MLLT10: variants seen among roughly 807,000 people sequenced by gnomAD.
MLLT10 encodes protein AF-10.
A neutral mutation model predicts 129.1 loss-of-function variants in MLLT10; 30 were observed. The observed-to-expected ratio is 0.23, with a 90% confidence interval of 0.17 to 0.32. The LOEUF (loss-of-function observed/expected upper bound fraction) is 0.32, where lower values mean the gene tolerates loss of function less well. Ranked by LOEUF, MLLT10 falls within the 10% of genes least tolerant of loss-of-function variation. The pLI is 1.00. For synonymous variants in MLLT10, 490 were observed against 446.4 expected (o/e 1.10, Z -1.23); for missense variants, 1,119 against 1,268.3 (o/e 0.88, Z 1.79).
At chr10:21,696,727 T>A (rs1589692519) in intron 13 of MLLT10, among the ~76,000 whole-genome samples, 1 of 152,146 alleles carries the variant, frequency 6.6e-6, no homozygotes, top group Non-Finnish European at 1.5e-5. Flanking sequence ...GTATTGAAAT[T>A]CCTCGAGCCG....
Position 21,680,634 on chromosome 10 carries a change from G to A in MLLT10, c.1622-698G>A, listed in dbSNP as rs113337153. Among the ~76,000 whole-genome samples the A allele has an allele frequency of 1.8e-3, 278 of 152,198 alleles. 1 individual carries two copies. Among genetic ancestry groups the A allele is most frequent in the African/African-American group, 6.3e-3 (261 of 41,534 alleles). On this transcript the variant is annotated intron_variant, in intron 11 of 22. Coordinates refer to ENST00000307729, the MANE Select transcript of MLLT10 (RefSeq NM_001195626.3). The stretch of plus-strand genomic sequence containing the variant: ...ATCATACTTAAATTGTGATTTCCAT[G>A]TGAAAATAGTATTCAAATGTTTTTG...
chr10:21,550,368 T>G lies in MLLT10; in HGVS notation c.240+11456T>G, dbSNP rs1307482931. On this transcript the variant is annotated intron_variant, in intron 3 of 22. Transcript: ENST00000307729. ...GGTTTTCTAGAGTCTCTTCCTGTTA[T>G]GACATGGATCCTTATCAGCTCTTGT... 4.6e-5 allele frequency among the ~76,000 whole-genome samples: 7 copies of G among 152,196 alleles called. No homozygotes were observed. In the South Asian group the frequency reaches 1.2e-3, roughly 27 times the overall value.
intron 11 of MLLT10, among the ~76,000 whole-genome samples, chr10:21,679,042 TGG>T (rs1169860240): frequency 6.6e-6 from 1 of 152,202 alleles, no homozygotes. Context: ...ACATTTTTTC[TGG>T]GAACTGTAGA....
At chr10:21,716,699 A>C (rs541480381) in intron 14 of MLLT10, among the ~76,000 whole-genome samples, 61 of 148,464 alleles carry the variant, frequency 4.1e-4, no homozygotes, top group African/African-American at 1.4e-3. Context: ...TGTCTCCCCA[A>C]AAAAAAAAAA....
At chr10:21,604,308 A>C (rs1028805648) in intron 5 of MLLT10, among the ~76,000 whole-genome samples, 1 of 152,172 alleles carries the variant, frequency 6.6e-6, no homozygotes, top group Non-Finnish European at 1.5e-5. Flanking sequence ...CAAAATTTCT[A>C]TCTCTGCTGG....
In MLLT10 at chr10:21,619,939, T is replaced by C. The variant is rs1376652263; in HGVS notation, c.699+2732T>C. Among the ~76,000 whole-genome samples the C allele has an allele frequency of 2.6e-5, 4 of 151,166 alleles. No individual in the cohort carries two copies. In the South Asian group the frequency reaches 6.3e-4, roughly 24 times the overall value. Reference sequence around the variant, plus strand: ...TTTTTTTTTCTTTTTCTTTTCTTTTTTTTTTTTTTGTCGCTTAGGCTGGAG... The same window carrying C: ...TTTTTTTTTCTTTTTCTTTTCTTTTCTTTTTTTTTGTCGCTTAGGCTGGAG... On this transcript the variant is annotated intron_variant, in intron 8 of 22. Transcript: ENST00000307729.
At chr10:21,585,111 G>A (rs1288137416) in intron 3 of MLLT10, among the ~76,000 whole-genome samples, 5 of 151,672 alleles carry the variant, frequency 3.3e-5, no homozygotes, top group African/African-American at 1.2e-4. Flanking sequence ...TTTTGTAGAG[G>A]TGGGATTTTG....
intron 3 of MLLT10, among the ~76,000 whole-genome samples, chr10:21,573,838 A>G (rs916205432): frequency 4.6e-5 from 7 of 152,090 alleles, no homozygotes; most frequent in African/African-American, 1.7e-4. Flanking sequence ...TACTTTCGTA[A>G]TCCATGTGAG....
intron 16 of MLLT10, among the ~76,000 whole-genome samples, chr10:21,730,384 A>C (rs2057870314): frequency 6.6e-6 from 1 of 151,652 alleles, no homozygotes; most frequent in Non-Finnish European, 1.5e-5. Flanking sequence ...GTAATTTTTA[A>C]TTTATAACAA....
intron 3 of MLLT10, among the ~76,000 whole-genome samples, chr10:21,586,088 G>T (rs923631966): frequency 1.3e-5 from 2 of 152,106 alleles, no homozygotes; most frequent in African/African-American, 4.8e-5. Context: ...AAGTTAAAAT[G>T]TACTTTAAAA....
chr10:21,704,329 TTCTCTCTCTC>T (rs1198146694), intron 13 of MLLT10, among the ~76,000 whole-genome samples: 17 of 121,108 alleles, frequency 1.4e-4, no homozygotes, highest in African/African-American at 4.9e-4. Context: ...TCTTTTTAAA[TTCTCTCTCTC>T]TCTCTCTCTC....
At chr10:21,564,899 A>T (rs1258697026) in intron 3 of MLLT10, among the ~76,000 whole-genome samples, 1 of 151,824 alleles carries the variant, frequency 6.6e-6, no homozygotes, top group African/African-American at 2.4e-5. Context: ...TCATGGATCC[A>T]GTTAGTTCAT....
intron 14 of MLLT10, among the ~76,000 whole-genome samples, chr10:21,718,631 A>G (rs1490223384): frequency 1.3e-5 from 2 of 152,250 alleles, no homozygotes; most frequent in East Asian, 3.8e-4. Context: ...AAACAAAATG[A>G]TGTAGACTTA....
chr10:21,677,786 T>G (rs2052334194), intron 11 of MLLT10, among the ~76,000 whole-genome samples: 1 of 152,220 alleles, frequency 6.6e-6, no homozygotes, highest in South Asian at 2.1e-4. Context: ...TTGACTTTCT[T>G]GAATGACAGG....
intron 13 of MLLT10, among the ~76,000 whole-genome samples, chr10:21,684,361 T>C (rs2053065223): frequency 6.6e-6 from 1 of 152,192 alleles, no homozygotes; most frequent in African/African-American, 2.4e-5. Flanking sequence ...GCCTCCAATT[T>C]AGACTTTTCT....
At chr10:21,626,026 A>G (rs1671986036) in intron 8 of MLLT10, 3 of 1,232,450 alleles carry the variant, frequency 2.4e-6, no homozygotes, top group African/African-American at 1.5e-5. Flanking sequence ...CTGTGGTTAC[A>G]TTCAGAGTAT....
At position 21,614,936 on chromosome 10, in the gene MLLT10, T is replaced by C; in HGVS notation, c.603+12T>C. Reference sequence around the variant, plus strand: ...ATTTTAGTAAGCTGGTAAGAATTTCTCTTGGATTTAATGAAATGATTATGA... The same window carrying C: ...ATTTTAGTAAGCTGGTAAGAATTTCCCTTGGATTTAATGAAATGATTATGA... On this transcript the variant is annotated intron_variant, in intron 7 of 22. Transcript: ENST00000307729. 1 of 1,582,312 alleles carries C rather than the reference T, an allele frequency of 6.3e-7. No individual in the cohort carries two copies. Among genetic ancestry groups the C allele is most frequent in the Non-Finnish European group, 8.6e-7 (1 of 1,159,372 alleles).
At chr10:21,640,782 C>T (rs2047924565) in intron 8 of MLLT10, among the ~76,000 whole-genome samples, 1 of 152,156 alleles carries the variant, frequency 6.6e-6, no homozygotes, top group Non-Finnish European at 1.5e-5. Flanking sequence ...ACTTGTGTAG[C>T]ATGGTTTCCT....
At chr10:21,543,501 G>C (rs1045998970) in intron 3 of MLLT10, among the ~76,000 whole-genome samples, 1 of 151,972 alleles carries the variant, frequency 6.6e-6, no homozygotes, top group South Asian at 2.1e-4. Context: ...TTTGGAGACA[G>C]AGTTTAATTC....
Sources: gnomAD v4.1 joint callset for allele counts (sites outside exome capture counted in the v4.1 genomes callset) on GRCh38, gnomAD v4.1.1 for gene constraint, MANE v1.5 for transcripts, NCBI Gene and HGNC (gene_info 2026-07-23, HGNC 2026-07-21) for gene names.